Variants in BPIFB1 observed in about 807,000 individuals in gnomAD.
The protein encoded by BPIFB1 is BPI fold-containing family B member 1.
BPIFB1 carries 34 observed loss-of-function variants against 55.1 expected under a neutral mutation model. That is an observed-to-expected ratio of 0.62 (90% CI 0.47 to 0.82). BPIFB1 has a LOEUF of 0.82. BPIFB1 is among the 40% of genes least tolerant of loss of function. The pLI is 0.00. For synonymous variants in BPIFB1, 236 were observed against 245.3 expected (o/e 0.96, Z 0.35); for missense variants, 532 against 593.1 (o/e 0.90, Z 1.07).
intron 4 of BPIFB1, among the ~76,000 whole-genome samples, chr20:33,290,718 T>C (rs1411303774): frequency 1.3e-5 from 2 of 151,982 alleles, no homozygotes; most frequent in Non-Finnish European, 2.9e-5. Flanking sequence ...CCGTGAGACA[T>C]CGGAGTAGGG....
intron 1 of BPIFB1, among the ~76,000 whole-genome samples, chr20:33,285,596 T>TA (rs1345483769): frequency 1.3e-5 from 2 of 151,104 alleles, no homozygotes; most frequent in African/African-American, 4.9e-5. Flanking sequence ...TGGGTGTCTG[T>TA]AGTCCCAACT....
intron 3 of BPIFB1, among the ~76,000 whole-genome samples, chr20:33,289,499 C>T (rs1287410331): frequency 6.6e-6 from 1 of 151,978 alleles, no homozygotes; most frequent in Non-Finnish European, 1.5e-5. Context: ...TGACTCAATG[C>T]TCACCAGGAG....
chr20:33,291,230 C>T, intron 5 of BPIFB1, 124 bp downstream of exon 5: 7 of 1,235,344 alleles, frequency 5.7e-6, no homozygotes, highest in Non-Finnish European at 7.7e-6. Flanking sequence ...CTTATCCCCT[C>T]CTGATTCCTG....
intron 2 of BPIFB1, among the ~76,000 whole-genome samples, 156 bp downstream of exon 2, chr20:33,286,344 G>A (rs1408190737): frequency 6.6e-6 from 1 of 152,192 alleles, no homozygotes; most frequent in Non-Finnish European, 1.5e-5. Flanking sequence ...AAGGTCTGGA[G>A]AGTCTGTGAT....
At chr20:33,288,518 C>T (rs574469347) in intron 2 of BPIFB1, among the ~76,000 whole-genome samples, 4 of 152,288 alleles carry the variant, frequency 2.6e-5, no homozygotes, top group Middle Eastern at 3.4e-3. Context: ...GTCCCAGCCT[C>T]GCTCCTGATG....
At chr20:33,304,501 A>G (rs540443610) in intron 12 of BPIFB1, among the ~76,000 whole-genome samples, 3 of 152,306 alleles carry the variant, frequency 2.0e-5, no homozygotes, top group South Asian at 4.1e-4. Flanking sequence ...AAATCAGACT[A>G]TCTGGCTGCC....
At chr20:33,292,800 C>G (rs1470729978) in intron 6 of BPIFB1, among the ~76,000 whole-genome samples, 2 of 152,244 alleles carry the variant, frequency 1.3e-5, no homozygotes, top group African/African-American at 2.4e-5. Flanking sequence ...TCCACATTAA[C>G]CAGTGATTTC....
At chr20:33,305,564 G>T (rs1042134482) in intron 13 of BPIFB1, among the ~76,000 whole-genome samples, 1 of 151,960 alleles carries the variant, frequency 6.6e-6, no homozygotes, top group African/African-American at 2.4e-5. Flanking sequence ...TGATCTGCCC[G>T]CCTTGGCCTC....
At chr20:33,298,803 T>TC (rs1292686107) in intron 7 of BPIFB1, 1 of 168,804 alleles carries the variant, frequency 5.9e-6, no homozygotes, top group East Asian at 1.9e-4. Flanking sequence ...TCTTTTTTTT[T>TC]TTTTTAATTC....
chr20:33,303,855 A>C, intron 11 of BPIFB1, 103 bp from the exon 12 acceptor site: 1 of 1,173,118 alleles, frequency 8.5e-7, no homozygotes, highest in Non-Finnish European at 1.3e-6. Context: ...AAGGTCCCAG[A>C]GCCAGGAACT....
At chr20:33,298,185 G>A (rs1370802653) in intron 7 of BPIFB1, among the ~76,000 whole-genome samples, 1 of 152,176 alleles carries the variant, frequency 6.6e-6, no homozygotes, top group Non-Finnish European at 1.5e-5. Flanking sequence ...TCTCGTTGCA[G>A]TTTCAAATTT....
At chr20:33,303,215 G>C in intron 11 of BPIFB1, 141 bp downstream of exon 11, 1 of 1,047,726 alleles carries the variant, frequency 9.5e-7, no homozygotes. Flanking sequence ...TCTGAACCAA[G>C]AGCCAGGAGC....
intron 8 of BPIFB1, among the ~76,000 whole-genome samples, chr20:33,301,013 A>G (rs989526235): frequency 2.0e-5 from 3 of 152,104 alleles, no homozygotes; most frequent in Admixed American, 6.6e-5. Context: ...GAAGCATGGG[A>G]AAAAAAACGA....
chr20:33,287,530 T>A (rs961132853), intron 2 of BPIFB1, among the ~76,000 whole-genome samples: 7 of 151,766 alleles, frequency 4.6e-5, no homozygotes, highest in African/African-American at 1.7e-4. Flanking sequence ...ATGGAGGGGG[T>A]AGCCAAGGAC....
At chr20:33,303,404 C>G (rs1433078314) in intron 11 of BPIFB1, among the ~76,000 whole-genome samples, 2 of 152,234 alleles carry the variant, frequency 1.3e-5, no homozygotes, top group Non-Finnish European at 2.9e-5. Flanking sequence ...TCTCCTCTCT[C>G]CCACCTAGCA....
rs760482226 is a variant in BPIFB1, at chr20:33,286,083, C to T, written c.10C>T (p.Pro4Ser). 2.8e-5 allele frequency: 46 copies of T among 1,614,054 alleles called. No individual in the cohort carries two copies. Among genetic ancestry groups the T allele is most frequent in the Non-Finnish European group, 3.7e-5 (44 of 1,180,038 alleles). ...TCTGACACCTGGGAAGATGGCCGGC[C>T]CGTGGACCTTCACCCTTCTCTGTGG... MAG[P>S]WTFTLLCGLL... The change falls in exon 2 of 16, where the codon CCG becomes TCG. Residue 4 changes from proline to serine, a missense_variant. By Grantham distance (74) the Pro-to-Ser change is moderately conservative (BLOSUM62 -1). Coordinates refer to ENST00000253354, the MANE Select transcript of BPIFB1 (RefSeq NM_033197.3).
intron 6 of BPIFB1, among the ~76,000 whole-genome samples, chr20:33,297,110 G>A (rs1282375932): frequency 6.6e-6 from 1 of 152,192 alleles, no homozygotes; most frequent in East Asian, 1.9e-4. Flanking sequence ...TAGTAGAGAT[G>A]AGGTTTCACC....
chr20:33,304,143 C>T, intron 12 of BPIFB1, 118 bp downstream of exon 12: 1 of 835,206 alleles, frequency 1.2e-6, no homozygotes. Context: ...CCAGGGTAGG[C>T]AGGGAGGTCC....
intron 2 of BPIFB1, among the ~76,000 whole-genome samples, chr20:33,287,751 ACT>A (rs1292384956): frequency 6.6e-6 from 1 of 152,072 alleles, no homozygotes; most frequent in Non-Finnish European, 1.5e-5. Flanking sequence ...GCTGCTGTTA[ACT>A]CACGGGGAAG....
Sources: gnomAD v4.1 joint callset for allele counts (sites outside exome capture counted in the v4.1 genomes callset) on GRCh38, gnomAD v4.1.1 for gene constraint, MANE v1.5 for transcripts, NCBI Gene and HGNC (gene_info 2026-07-23, HGNC 2026-07-21) for gene names.